The following ARGFX variants were observed in gnomAD, a reference collection of about 807,000 sequenced individuals.
ARGFX encodes the protein arginine-fifty homeobox.
Under a neutral mutation model 8.0 loss-of-function variants are expected in ARGFX, and 10 were observed. That is an observed-to-expected ratio of 1.25 (90% CI 0.77 to 2.12). ARGFX has a LOEUF of 2.12. Among genes scored for constraint, ARGFX ranks in the 30% most tolerant of loss-of-function variants. ARGFX has a pLI of 0.00. For missense variants in ARGFX, 282 were observed against 324.3 expected, an observed-to-expected ratio of 0.87 and a Z score of 1.00; for synonymous variants, 116 against 117.8, an observed-to-expected ratio of 0.98 and a Z score of 0.10.
chr3:121,572,019 A>C (rs59949553), intron 2 of ARGFX, among the ~76,000 whole-genome samples: 42,017 of 150,606 alleles, frequency 0.28, 6,234 homozygotes, highest in East Asian at 0.62. Context: ...TTAGTAGAGA[A>C]GGGGTTTCAC....
At chr3:121,575,786 G>A (rs185723369) in intron 2 of ARGFX, among the ~76,000 whole-genome samples, 23 of 152,188 alleles carry the variant, frequency 1.5e-4, no homozygotes, top group African/African-American at 4.6e-4. Flanking sequence ...GGTGGTGAGC[G>A]CCTGTAGTCT....
intron 3 of ARGFX, among the ~76,000 whole-genome samples, chr3:121,583,025 ATTT>A (rs35823830): frequency 1.4e-4 from 15 of 108,348 alleles, no homozygotes; most frequent in African/African-American, 2.6e-4. Flanking sequence ...TAATTGCGGG[ATTT>A]TTTTTTTTTT....
intron 2 of ARGFX, among the ~76,000 whole-genome samples, chr3:121,571,553 ATATTAT>A (rs139923317): frequency 2.0e-5 from 3 of 148,258 alleles, no homozygotes; most frequent in Admixed American, 1.4e-4. Context: ...GGAAGGCTTA[ATATTAT>A]TATTATTATT....
chr3:121,576,707 T>TTTTCTTTCTCTCTTTC (rs1553834277), intron 2 of ARGFX, 77 bp from the exon 3 acceptor site: 48 of 249,146 alleles, frequency 1.9e-4, no homozygotes, highest in African/African-American at 1.2e-3. Context: ...CTTTCTTTCT[T>TTTTCTTTCTCTCTTTC]TTTCTTTCTT....
chr3:121,570,851 C>A, intron 2 of ARGFX, 35 bp downstream of exon 2: 1 of 1,425,562 alleles, frequency 7.0e-7, no homozygotes, highest in South Asian at 1.4e-5. Flanking sequence ...CTTTCCTTTT[C>A]TACTGCCCCA....
chr3:121,586,311 T>C lies in ARGFX; in HGVS notation c.659T>C (p.Leu220Ser). The C allele has an allele frequency of 6.2e-7, 1 of 1,614,228 alleles. No individual in the cohort carries two copies. Among genetic ancestry groups the C allele is most frequent in the Non-Finnish European group, 8.5e-7 (1 of 1,180,038 alleles). ...WERLVASVPA[L>S]YSDAYDIFQI... ...AGGCTGGTGGCCTCGGTTCCTGCTT[T>C]GTACTCTGATGCCTATGACATATTC... Residue 220 changes from leucine to serine, a missense_variant, in exon 5 of 5, where the codon TTG becomes TCG. By Grantham distance (145) the Leu-to-Ser change is moderately radical. Transcript: ENST00000334384.
At chr3:121,572,492 C>T (rs1048715892) in intron 2 of ARGFX, among the ~76,000 whole-genome samples, 8 of 149,274 alleles carry the variant, frequency 5.4e-5, no homozygotes, top group Non-Finnish European at 7.4e-5. Context: ...GTGATCCACG[C>T]GCCTCGGCCT....
chr3:121,581,284 AC>A (rs1473362460), intron 3 of ARGFX, among the ~76,000 whole-genome samples: 1 of 152,216 alleles, frequency 6.6e-6, no homozygotes, highest in Non-Finnish European at 1.5e-5. Context: ...TTCTAACTTT[AC>A]TTTTAATAGG....
In ARGFX at chr3:121,588,553, G is replaced by C. The variant is rs184248326; in HGVS notation, c.*1953G>C. 3.8e-4 allele frequency among the ~76,000 whole-genome samples: 57 copies of C among 151,368 alleles called. No individual in the cohort carries two copies. Among genetic ancestry groups the C allele is most frequent in the Non-Finnish European group, 7.2e-4 (49 of 67,756 alleles). On this transcript the variant is annotated 3_prime_UTR_variant, in exon 5 of 5. Transcript: ENST00000334384. ...GTACCTCTCAATGAAAAATGTAAAA[G>C]TACCTAGAAATTCACAAAAAAATTA...
intron 2 of ARGFX, among the ~76,000 whole-genome samples, chr3:121,575,158 A>G (rs2048729042): frequency 1.3e-5 from 2 of 152,088 alleles, no homozygotes; most frequent in Admixed American, 1.3e-4. Context: ...CATCTCTACT[A>G]AAAATACAAA....
chr3:121,586,747 A>G lies in ARGFX; in HGVS notation c.*147A>G, dbSNP rs1340557129. The G allele has an allele frequency of 2.0e-5, 15 of 736,900 alleles. No homozygotes were observed. Among genetic ancestry groups the G allele is most frequent in the Non-Finnish European group, 2.2e-5 (10 of 463,994 alleles). The allele number at this position is 736,900 out of a possible 1,614,324, so 45.6% of individuals were successfully genotyped here. A position where few individuals can be genotyped will look rare whatever the true frequency, so the allele number is the denominator to read the frequency against. On this transcript the variant is annotated 3_prime_UTR_variant, in exon 5 of 5. Transcript: ENST00000334384. ...TAAATGTTGCAAAAAGAGTTTTCCA[A>G]GTAGAGCTGGGCACTACGTAATCAG...
Position 121,586,204 on chromosome 3 carries a change from A to G in ARGFX, c.552A>G (p.Leu184=). ...ACAGCTCCCTTCCATCTCAGCCCTT[A>G]GACCCTTCCAATTGGGCATGGAACT... ...DFYSSLPSQP[L]DPSNWAWNST... The change falls in exon 5 of 5, where the codon TTA becomes TTG. Residue 184 remains leucine, a synonymous_variant. Transcript: ENST00000334384. 6.2e-7 allele frequency: 1 copy of G among 1,613,894 alleles called. No individual in the cohort carries two copies.
At chr3:121,571,839 G>GT (rs992643301) in intron 2 of ARGFX, among the ~76,000 whole-genome samples, 1 of 142,714 alleles carries the variant, frequency 7.0e-6, no homozygotes, top group Non-Finnish European at 1.5e-5. Context: ...TTGTTTGTTT[G>GT]TTTTTGAGAT....
chr3:121,576,590 G>C (rs1008329004), intron 2 of ARGFX, among the ~76,000 whole-genome samples, 194 bp from the exon 3 acceptor site: 2 of 152,116 alleles, frequency 1.3e-5, no homozygotes, highest in African/African-American at 4.8e-5. Context: ...AGCCGCCTCA[G>C]CCTCCCAAAG....
intron 2 of ARGFX, among the ~76,000 whole-genome samples, chr3:121,571,354 G>C (rs1194012966): frequency 1.3e-5 from 2 of 151,766 alleles, no homozygotes; most frequent in Non-Finnish European, 2.9e-5. Flanking sequence ...TAAAAATCTG[G>C]TTTTTCTATA....
intron 2 of ARGFX, among the ~76,000 whole-genome samples, chr3:121,572,014 A>T (rs1576440260): frequency 6.6e-6 from 1 of 151,138 alleles, no homozygotes; most frequent in East Asian, 2.0e-4. Flanking sequence ...TATTTTTAGT[A>T]GAGAAGGGGT....
chr3:121,577,237 A>ATATATG (rs1421702470), intron 3 of ARGFX, among the ~76,000 whole-genome samples: 1 of 61,704 alleles, frequency 1.6e-5, no homozygotes, highest in East Asian at 7.8e-4. Context: ...ATATATATAT[A>ATATATG]TATATATATA....
At chr3:121,576,939 T>A in intron 3 of ARGFX, 39 bp downstream of exon 3, 1 of 272,024 alleles carries the variant, frequency 3.7e-6, no homozygotes, top group East Asian at 1.4e-4. Context: ...AGACGAGATT[T>A]CACCATGTGG....
In ARGFX at chr3:121,587,888, T is replaced by A. The variant is rs996023533; in HGVS notation, c.*1288T>A. Among the ~76,000 whole-genome samples the A allele has an allele frequency of 1.4e-4, 21 of 152,050 alleles. No individual in the cohort carries two copies. Among genetic ancestry groups the A allele is most frequent in the African/African-American group, 5.1e-4 (21 of 41,410 alleles). ...TGCCCAGGCTGAATTTGGGTTTTTTTAAAATGAGACTTTCAGTCCTAATTT... is the reference window on the plus strand; with the variant it reads ...TGCCCAGGCTGAATTTGGGTTTTTTAAAAATGAGACTTTCAGTCCTAATTT... On this transcript the variant is annotated 3_prime_UTR_variant, in exon 5 of 5. Transcript: ENST00000334384.
Sources: gnomAD v4.1 joint callset for allele counts (sites outside exome capture counted in the v4.1 genomes callset) on GRCh38, gnomAD v4.1.1 for gene constraint, MANE v1.5 for transcripts, NCBI Gene and HGNC (gene_info 2026-07-23, HGNC 2026-07-21) for gene names.